The following JAK2 variants were observed in gnomAD, a reference collection of about 807,000 sequenced individuals.
JAK2 encodes Janus kinase 2.
Under a neutral mutation model 139.3 loss-of-function variants are expected in JAK2, and 86 were observed. That is an observed-to-expected ratio of 0.62 (90% CI 0.52 to 0.74). The LOEUF is 0.74. Among genes scored for constraint, JAK2 ranks in the 30% least tolerant of loss-of-function variants. JAK2 has a pLI of 0.00. For missense variants in JAK2, 1,421 were observed against 1,360.3 expected, an observed-to-expected ratio of 1.04 and a Z score of -0.70; for synonymous variants, 490 against 437.7, an observed-to-expected ratio of 1.12 and a Z score of -1.49.
chr9:5,041,887 A>C, intron 4 of JAK2: 1 of 425,178 alleles, frequency 2.4e-6, no homozygotes, highest in South Asian at 1.8e-5. Flanking sequence ...AGCGCCCATC[A>C]GGGCGCCTGC....
At chr9:5,058,700 C>T (rs1021208271) in intron 8 of JAK2, among the ~76,000 whole-genome samples, 3 of 152,136 alleles carry the variant, frequency 2.0e-5, no homozygotes, top group Admixed American at 6.5e-5. Flanking sequence ...CTCATCAAAA[C>T]TTGTTATTTT....
At chr9:5,028,763 A>G (rs1042454217) in intron 3 of JAK2, among the ~76,000 whole-genome samples, 2 of 152,284 alleles carry the variant, frequency 1.3e-5, no homozygotes, top group South Asian at 2.1e-4. Flanking sequence ...ACCAGCCTCT[A>G]CTAGCTTCTT....
intron 22 of JAK2, among the ~76,000 whole-genome samples, chr9:5,092,011 A>G (rs1371774259): frequency 6.6e-6 from 1 of 152,134 alleles, no homozygotes; most frequent in Admixed American, 6.5e-5. Context: ...CTAGGTGCTG[A>G]ACTGAGTTAA....
At position 5,066,774 on chromosome 9, in the gene JAK2, G is replaced by T; in HGVS notation, c.1311G>T (p.Leu437Phe). ...CSPKDFNKYFLTFAVERENVI... is the reference protein window; with the variant it reads ...CSPKDFNKYFFTFAVERENVI... ...CTAAGGACTTTAATAAATATTTTTT[G>T]ACTTTTGCTGTCGAGGTTAGTATGT... The change falls in exon 10 of 25, where the codon TTG (leucine) becomes TTT (phenylalanine). Residue 437 changes from leucine (L) to phenylalanine (F), a missense_variant. Leu to Phe is a conservative substitution (Grantham distance 22). Coordinates refer to ENST00000381652, the MANE Select transcript of JAK2 (RefSeq NM_004972.4). The T allele has an allele frequency of 6.5e-7, 1 of 1,547,692 alleles. No individual in the cohort carries two copies. The highest frequency in any genetic ancestry group is 1.2e-5 in the South Asian group (1 of 81,902).
chr9:5,088,360 C>T (rs1404204896), intron 19 of JAK2, among the ~76,000 whole-genome samples: 1 of 152,142 alleles, frequency 6.6e-6, no homozygotes, highest in African/African-American at 2.4e-5. Context: ...AATATAGTCA[C>T]TTAGAATCTT....
intron 13 of JAK2, among the ~76,000 whole-genome samples, chr9:5,073,093 GAT>G (rs951104353): frequency 1.6e-4 from 25 of 152,226 alleles, no homozygotes; most frequent in Admixed American, 3.3e-4. Flanking sequence ...AACATAGCAA[GAT>G]ATGATACTTA....
chr9:5,056,859 C>T (rs564068251), intron 8 of JAK2, among the ~76,000 whole-genome samples: 1 of 152,110 alleles, frequency 6.6e-6, no homozygotes, highest in African/African-American at 2.4e-5. Flanking sequence ...GTCTGCAATA[C>T]AGAGAAGTTA....
At chr9:5,074,227 A>C (rs981299216) in intron 14 of JAK2, among the ~76,000 whole-genome samples, 1 of 152,152 alleles carries the variant, frequency 6.6e-6, no homozygotes, top group African/African-American at 2.4e-5. Context: ...GGCTAAATTT[A>C]GGTGTTCACA....
intron 8 of JAK2, among the ~76,000 whole-genome samples, chr9:5,058,888 T>C (rs1330613249): frequency 7.2e-5 from 11 of 152,212 alleles, no homozygotes; most frequent in Admixed American, 7.2e-4. Context: ...ATCAGGTTTT[T>C]TTTGCTGAAT....
At chr9:5,104,072 C>T (rs561883675) in intron 22 of JAK2, among the ~76,000 whole-genome samples, 1 of 152,170 alleles carries the variant, frequency 6.6e-6, no homozygotes, top group South Asian at 2.1e-4. Context: ...AAGATCAGAG[C>T]AGAACTGAAG....
intron 2 of JAK2, among the ~76,000 whole-genome samples, chr9:5,015,843 C>G (rs1213976736): frequency 1.3e-5 from 2 of 152,034 alleles, no homozygotes; most frequent in Admixed American, 1.3e-4. Flanking sequence ...AGTGTGATTT[C>G]CAGTTACCAT....
chr9:5,033,634 C>T (rs1000728472), intron 4 of JAK2, among the ~76,000 whole-genome samples: 9 of 152,144 alleles, frequency 5.9e-5, no homozygotes, highest in Non-Finnish European at 1.5e-5. Flanking sequence ...CATATCCAGC[C>T]AAACTAAGCT....
intron 12 of JAK2, 98 bp from the exon 13 acceptor site, chr9:5,072,394 T>G (rs994555780): frequency 7.2e-5 from 61 of 843,788 alleles, no homozygotes; most frequent in Middle Eastern, 3.9e-4. Flanking sequence ...TACTTGCTTA[T>G]GGATTTAAAA....
chr9:5,009,810 G>C (rs1222766670), intron 2 of JAK2, among the ~76,000 whole-genome samples: 1 of 149,606 alleles, frequency 6.7e-6, no homozygotes, highest in East Asian at 1.9e-4. Flanking sequence ...TTGCTCTGTT[G>C]CCCAGGCTGG....
intron 4 of JAK2, among the ~76,000 whole-genome samples, chr9:5,030,238 G>A (rs754940647): frequency 6.6e-6 from 1 of 152,128 alleles, no homozygotes; most frequent in African/African-American, 2.4e-5. Context: ...GCAGCGTTTT[G>A]TGCAATAGAA....
intron 2 of JAK2, among the ~76,000 whole-genome samples, chr9:5,019,927 C>T (rs1822302509): frequency 6.6e-6 from 1 of 152,160 alleles, no homozygotes; most frequent in Admixed American, 6.5e-5. Flanking sequence ...GTTGTGGCAG[C>T]AGTTGGACAA....
At chr9:5,088,645 C>G (rs1217425558) in intron 19 of JAK2, among the ~76,000 whole-genome samples, 3 of 152,168 alleles carry the variant, frequency 2.0e-5, no homozygotes, top group African/African-American at 7.2e-5. Context: ...GCTTAAACAT[C>G]AGACATTTAT....
At chr9:5,003,933 G>T (rs1821098718) in intron 2 of JAK2, among the ~76,000 whole-genome samples, 1 of 151,894 alleles carries the variant, frequency 6.6e-6, no homozygotes, top group African/African-American at 2.4e-5. Flanking sequence ...AGTAGTTTCT[G>T]CATCTATTGA....
chr9:5,031,096 C>T (rs1271737242), intron 4 of JAK2, among the ~76,000 whole-genome samples: 1 of 152,022 alleles, frequency 6.6e-6, no homozygotes. Flanking sequence ...AGAATTAGGA[C>T]ATAACATTGG....
Sources: allele counts gnomAD v4.1 joint callset (sites outside exome capture counted in the v4.1 genomes callset), GRCh38; gene constraint gnomAD v4.1.1; transcripts MANE v1.5; gene names NCBI Gene and HGNC (gene_info 2026-07-23, HGNC 2026-07-21).